The following ADAMTS9 variants were observed in gnomAD, a reference collection of about 807,000 sequenced individuals.
ADAMTS9 encodes A disintegrin and metalloproteinase with thrombospondin motifs 9.
In ADAMTS9, 107 loss-of-function variants were observed where a neutral mutation model predicts 257.1. The ratio of observed to expected loss-of-function variants is 0.42; its 90% CI spans 0.36 to 0.49. ADAMTS9 has a LOEUF of 0.49. Ranked by LOEUF, ADAMTS9 falls within the 20% of genes least tolerant of loss-of-function variation. The pLI, the probability that ADAMTS9 is intolerant of heterozygous loss-of-function variation, is 0.03. For missense variants in ADAMTS9, 2,353 were observed against 2,469.1 expected, an observed-to-expected ratio of 0.95 and a Z score of 1.00; for synonymous variants, 982 against 880.9, an observed-to-expected ratio of 1.11 and a Z score of -2.03.
In ADAMTS9 at chr3:64,633,542, C is replaced by T. The variant is rs138430570; in HGVS notation, c.2105G>A (p.Arg702Gln). The stretch of plus-strand genomic sequence containing the variant: ...AGGAGTTCCATCTATCACTCTGTCT[C>T]GAAGCTGATAGTAGGCTGTGTTCCC... ...VAGNTAYYQLRDRVIDGTPCG... is the reference protein window; with the variant it reads ...VAGNTAYYQLQDRVIDGTPCG... Residue 702 changes from arginine (R) to glutamine (Q), a missense_variant, in exon 14 of 40, where the codon CGA becomes CAA. Physicochemically the swap from Arg to Gln is conservative, Grantham distance 43. Around this residue, in one of 3 missense-constraint regions of ADAMTS9, gnomAD observed 360 missense variants for 458.1 expected, o/e 0.79. Coordinates refer to ENST00000498707, the MANE Select transcript of ADAMTS9 (RefSeq NM_182920.2). 1.9e-4 allele frequency: 310 copies of T among 1,614,034 alleles called. 3 individuals carry two copies. The highest frequency in any genetic ancestry group is 1.8e-3 in the South Asian group (164 of 91,080).
rs766819593 is a variant in ADAMTS9 at position 64,561,696 on chromosome 3, C to G, written c.4580G>C (p.Gly1527Ala). ...GGTCTCTCTGGCTATTTTGTGTGTT[C>G]CGATCTGACAGCCCACATGCCTCTG... ...VQQRHVGCQI[G>A]THKIARETEC... The change falls in exon 30 of 40, where the codon GGA becomes GCA. Residue 1527 changes from glycine (G) to alanine (A), a missense_variant. Coordinates refer to ENST00000498707, the MANE Select transcript of ADAMTS9 (RefSeq NM_182920.2). 2.5e-6 allele frequency: 4 copies of G among 1,613,908 alleles called. No individual in the cohort carries two copies. The South Asian group carries it at 3.3e-5, about 13-fold the overall frequency.
intron 3 of ADAMTS9, among the ~76,000 whole-genome samples, chr3:64,661,968 T>A (rs746345551): frequency 6.6e-6 from 1 of 151,820 alleles, no homozygotes; most frequent in Non-Finnish European, 1.5e-5. Context: ...CTTGCTTTAG[T>A]TTTAACTTGC....
chr3:64,633,050 C>T (rs927839458), intron 14 of ADAMTS9, among the ~76,000 whole-genome samples: 31 of 152,086 alleles, frequency 2.0e-4, no homozygotes, highest in Admixed American at 7.2e-4. Context: ...GTTAAAAATG[C>T]AAAGAGAAAC....
intron 3 of ADAMTS9, among the ~76,000 whole-genome samples, chr3:64,676,968 G>A (rs1173105714): frequency 1.3e-5 from 2 of 152,178 alleles, no homozygotes; most frequent in Admixed American, 1.3e-4. Flanking sequence ...CTACCAGGAA[G>A]CACTGATAAG....
chr3:64,658,574 C>G lies in ADAMTS9; in HGVS notation c.897G>C (p.Val299=). ...LSYPRFVEVL[V]VADNRMVSYH... ...ATGAAACCATTCTGTTGTCTGCCAC[C>G]ACCAAGACTTCTACAAACCGTGGAT... is the stretch of plus-strand genomic sequence containing the variant. The change falls in exon 4 of 40, where the codon GTG becomes GTC. Residue 299 remains valine (V), a synonymous_variant. Coordinates refer to ENST00000498707, the MANE Select transcript of ADAMTS9 (RefSeq NM_182920.2). 6.2e-7 allele frequency: 1 copy of G among 1,614,118 alleles called. No homozygotes were observed. Among genetic ancestry groups the G allele is most frequent in the Non-Finnish European group, 8.5e-7 (1 of 1,180,012 alleles).
chr3:64,685,499 T>C (rs1489818403), intron 2 of ADAMTS9, among the ~76,000 whole-genome samples: 1 of 152,166 alleles, frequency 6.6e-6, no homozygotes, highest in African/African-American at 2.4e-5. Context: ...CACACGCGCG[T>C]GGCAGAAACG....
chr3:64,528,600 G>A (rs1236779849), intron 38 of ADAMTS9, among the ~76,000 whole-genome samples: 1 of 152,096 alleles, frequency 6.6e-6, no homozygotes, highest in Non-Finnish European at 1.5e-5. Flanking sequence ...CTAAGCCCGG[G>A]CTTACACTGC....
At chr3:64,570,065 C>A (rs1407065498) in intron 28 of ADAMTS9, among the ~76,000 whole-genome samples, 1 of 151,952 alleles carries the variant, frequency 6.6e-6, no homozygotes, top group Admixed American at 6.6e-5. Context: ...TAATAGTGAC[C>A]AATTTTAATA....
intron 16 of ADAMTS9, among the ~76,000 whole-genome samples, chr3:64,629,319 C>G (rs1700307697): frequency 6.6e-6 from 1 of 152,210 alleles, no homozygotes; most frequent in South Asian, 2.1e-4. Context: ...TTCCTCAGCT[C>G]AAAACCTCCA....
At chr3:64,571,240 C>T (rs1035188103) in intron 28 of ADAMTS9, among the ~76,000 whole-genome samples, 1 of 152,210 alleles carries the variant, frequency 6.6e-6, no homozygotes, top group African/African-American at 2.4e-5. Context: ...TTATATGCAT[C>T]ATCTAATTTA....
intron 37 of ADAMTS9, among the ~76,000 whole-genome samples, chr3:64,538,283 T>C (rs745841728): frequency 2.4e-4 from 36 of 152,294 alleles, no homozygotes; most frequent in Non-Finnish European, 5.0e-4. Context: ...AAGTGAGCAC[T>C]TGAGAAAGGT....
chr3:64,572,040 A>C (rs11713642), intron 28 of ADAMTS9, among the ~76,000 whole-genome samples: 48,917 of 148,044 alleles, frequency 0.33, 8,541 homozygotes, highest in Non-Finnish European at 0.4. Flanking sequence ...TTAATTCCTC[A>C]AATTCACAGC....
Position 64,622,546 on chromosome 3 carries a change from G to A in ADAMTS9, c.2430C>T (p.Asn810=), listed in dbSNP as rs746335924. ...CCCTTTTGGCCATTGTGACAACAAA[G>A]TTTCCATTTAGCAAGAATTCACCTT... The part of the protein sequence containing the change: ...SSKGEFLLNG[N]FVVTMAKREI... Residue 810 remains asparagine, a synonymous_variant, in exon 17 of 40, where the codon AAC becomes AAT. Coordinates refer to ENST00000498707, the MANE Select transcript of ADAMTS9 (RefSeq NM_182920.2). The A allele has an allele frequency of 5.0e-6, 8 of 1,613,978 alleles. No individual in the cohort carries two copies. Among genetic ancestry groups the A allele is most frequent in the South Asian group, 4.4e-5 (4 of 91,090 alleles).
intron 28 of ADAMTS9, chr3:64,590,193 T>C (rs2084234946): frequency 6.6e-6 from 1 of 152,162 alleles, no homozygotes; most frequent in African/African-American, 2.4e-5. Flanking sequence ...TAAGCATCAT[T>C]TCCAACTCAG....
At chr3:64,617,775 CA>C (rs1450610345) in intron 19 of ADAMTS9, among the ~76,000 whole-genome samples, 1 of 152,166 alleles carries the variant, frequency 6.6e-6, no homozygotes, top group Non-Finnish European at 1.5e-5. Flanking sequence ...TTAACCTCCA[CA>C]GGGGGAAGGA....
intron 38 of ADAMTS9, among the ~76,000 whole-genome samples, chr3:64,525,047 T>C (rs2082893420): frequency 6.6e-6 from 1 of 152,240 alleles, no homozygotes; most frequent in Admixed American, 6.5e-5. Flanking sequence ...CAAAGCACCC[T>C]GTAAATGGGT....
At chr3:64,550,143 C>T (rs1261494527) in intron 31 of ADAMTS9, 1 of 152,122 alleles carries the variant, frequency 6.6e-6, no homozygotes, top group East Asian at 1.9e-4. Flanking sequence ...ATAATATAAT[C>T]ATGCTATGAT....
intron 2 of ADAMTS9, among the ~76,000 whole-genome samples, chr3:64,685,590 G>A (rs1157937427): frequency 6.6e-6 from 1 of 152,210 alleles, no homozygotes; most frequent in African/African-American, 2.4e-5. Flanking sequence ...TCGTGGAGAA[G>A]TGGGGGGCAG....
intron 37 of ADAMTS9, among the ~76,000 whole-genome samples, chr3:64,537,220 G>C (rs1316415933): frequency 1.3e-5 from 2 of 152,114 alleles, no homozygotes; most frequent in African/African-American, 4.8e-5. Flanking sequence ...TCATTGTCAG[G>C]ATTTAGCAAA....
Sources: allele counts gnomAD v4.1 joint callset (sites outside exome capture counted in the v4.1 genomes callset), GRCh38; gene constraint gnomAD v4.1.1; regional missense constraint gnomAD v4.1.1; transcripts MANE v1.5; gene names NCBI Gene and HGNC (gene_info 2026-07-23, HGNC 2026-07-21).